The following NRG1 variants were observed in gnomAD, a reference collection of about 807,000 sequenced individuals.
NRG1 encodes pro-neuregulin-1, membrane-bound isoform.
In NRG1, 18 loss-of-function variants were observed where a neutral mutation model predicts 63.8. The observed-to-expected ratio is 0.28, with a 90% confidence interval of 0.19 to 0.42. The LOEUF is 0.42. Ranked by LOEUF, NRG1 falls within the 10% of genes least tolerant of loss-of-function variation. The pLI is 1.00. For missense variants in NRG1, 762 were observed against 814.7 expected (o/e 0.94, Z 0.79); for synonymous variants, 302 against 301.3 (o/e 1.00, Z -0.02).
chr8:32,439,442 A>G (rs1369285816), intron 1 of NRG1, among the ~76,000 whole-genome samples: 1 of 152,136 alleles, frequency 6.6e-6, no homozygotes, highest in Non-Finnish European at 1.5e-5. Flanking sequence ...TTTGATGAAA[A>G]AGAAAGATAA....
chr8:31,649,241 A>G (rs1204022513), intron 1 of NRG1, among the ~76,000 whole-genome samples: 1 of 152,208 alleles, frequency 6.6e-6, no homozygotes, highest in African/African-American at 2.4e-5. Context: ...GGAGTGAGCC[A>G]TGGTGCCCGG....
chr8:31,876,679 G>A (rs1041564532), intron 1 of NRG1, among the ~76,000 whole-genome samples: 1 of 152,058 alleles, frequency 6.6e-6, no homozygotes, highest in Non-Finnish European at 1.5e-5. Context: ...TTGGGAGGCT[G>A]AATTAATGAT....
intron 1 of NRG1, among the ~76,000 whole-genome samples, chr8:31,986,840 A>C (rs1199000290): frequency 6.6e-6 from 1 of 152,080 alleles, no homozygotes; most frequent in Non-Finnish European, 1.5e-5. Context: ...TGATCATTTC[A>C]ACCTGAGGTA....
At chr8:32,169,399 C>A (rs148507070) in intron 1 of NRG1, among the ~76,000 whole-genome samples, 1 of 152,124 alleles carries the variant, frequency 6.6e-6, no homozygotes, top group African/African-American at 2.4e-5. Flanking sequence ...GTAGGATTTG[C>A]GATTTGTCGG....
intron 1 of NRG1, among the ~76,000 whole-genome samples, chr8:32,177,540 C>T (rs2132071925): frequency 6.6e-6 from 1 of 152,064 alleles, no homozygotes; most frequent in South Asian, 2.1e-4. Context: ...CTCTGCCTCC[C>T]TTTTCCCCCC....
intron 1 of NRG1, among the ~76,000 whole-genome samples, chr8:31,657,951 C>T (rs1323957275): frequency 6.6e-6 from 1 of 152,122 alleles, no homozygotes; most frequent in Admixed American, 6.6e-5. Context: ...GTCCTTTTGC[C>T]CTCTCTGCCA....
intron 1 of NRG1, among the ~76,000 whole-genome samples, chr8:32,369,251 T>G (rs1413853726): frequency 6.6e-6 from 1 of 152,224 alleles, no homozygotes; most frequent in Non-Finnish European, 1.5e-5. Flanking sequence ...TTCCTATTAC[T>G]GGAGAGCCGC....
At chr8:32,418,182 T>C (rs912294976) in intron 1 of NRG1, among the ~76,000 whole-genome samples, 2 of 152,138 alleles carry the variant, frequency 1.3e-5, no homozygotes, top group East Asian at 3.9e-4. Context: ...GAGAAGTTTG[T>C]TCATCTGTAA....
chr8:32,208,879 C>T (rs931388399), intron 1 of NRG1, among the ~76,000 whole-genome samples: 38 of 152,060 alleles, frequency 2.5e-4, no homozygotes, highest in Non-Finnish European at 5.4e-4. Flanking sequence ...ATATGAAAGA[C>T]TGTTTTTGAT....
At chr8:32,743,992 GCAGA>G (rs1408926771) in intron 7 of NRG1, among the ~76,000 whole-genome samples, 13 of 152,132 alleles carry the variant, frequency 8.5e-5, no homozygotes, top group African/African-American at 3.1e-4. Flanking sequence ...ATTTACAAAA[GCAGA>G]CAGTGGGCTG....
At chr8:32,227,961 A>T (rs573382080) in intron 1 of NRG1, among the ~76,000 whole-genome samples, 1 of 152,204 alleles carries the variant, frequency 6.6e-6, no homozygotes, top group Admixed American at 6.5e-5. Flanking sequence ...AGTTGTTAGC[A>T]ATATTTGGTT....
chr8:32,529,489 G>A (rs1831223634), intron 1 of NRG1, among the ~76,000 whole-genome samples: 1 of 151,980 alleles, frequency 6.6e-6, no homozygotes, highest in Non-Finnish European at 1.5e-5. Flanking sequence ...TTATAAACTT[G>A]TATTTTTTAA....
At chr8:31,912,297 A>G (rs1164566783) in intron 1 of NRG1, among the ~76,000 whole-genome samples, 1 of 152,158 alleles carries the variant, frequency 6.6e-6, no homozygotes, top group African/African-American at 2.4e-5. Flanking sequence ...TTTTTGGTAC[A>G]GATCTATTTA....
At chr8:32,020,656 T>C (rs1816282001) in intron 1 of NRG1, among the ~76,000 whole-genome samples, 1 of 152,210 alleles carries the variant, frequency 6.6e-6, no homozygotes, top group African/African-American at 2.4e-5. Flanking sequence ...TCAAGCTTAA[T>C]TGAATTTCTT....
At chr8:31,882,775 C>T (rs898595285) in intron 1 of NRG1, among the ~76,000 whole-genome samples, 3 of 152,028 alleles carry the variant, frequency 2.0e-5, no homozygotes, top group Admixed American at 2.0e-4. Flanking sequence ...ATGGAAATAG[C>T]AAGAAAATTA....
intron 1 of NRG1, among the ~76,000 whole-genome samples, chr8:32,276,550 G>A (rs1307406840): frequency 1.3e-5 from 2 of 152,062 alleles, no homozygotes; most frequent in Non-Finnish European, 2.9e-5. Context: ...CTGTCCCCCA[G>A]GCTGGAGTGC....
chr8:32,263,146 A>C (rs981443278), intron 1 of NRG1, among the ~76,000 whole-genome samples: 1 of 152,188 alleles, frequency 6.6e-6, no homozygotes, highest in Non-Finnish European at 1.5e-5. Flanking sequence ...GTATTGAATG[A>C]ATGACAGACA....
Position 32,181,427 on chromosome 8 carries a change from C to A in NRG1, c.38-414401C>A, listed in dbSNP as rs1404744474. 5.3e-5 allele frequency among the ~76,000 whole-genome samples: 8 copies of A among 152,230 alleles called. No homozygotes were observed. The East Asian group carries it at 1.2e-3, about 22-fold the overall frequency. On this transcript the variant is annotated intron_variant, in intron 1 of 10. Transcript: ENST00000519301. Reference sequence around the variant, plus strand: ...TTTGTAAATATCTCTATACTTTATTCTCTTTTATTTCCTTTGTATCCAGGA... The same window carrying A: ...TTTGTAAATATCTCTATACTTTATTATCTTTTATTTCCTTTGTATCCAGGA...
In NRG1 at chr8:32,708,920, C is replaced by T. The variant is rs766125676; in HGVS notation, c.503-19029C>T. On this transcript the variant is annotated intron_variant, in intron 5 of 11. Transcript: ENST00000356819. ...GTGGATTTTTATGATGGAAAGCAAC[C>T]GCATTAACTGCAATATGGCCCAGGG... 4.6e-5 allele frequency among the ~76,000 whole-genome samples: 7 copies of T among 152,096 alleles called. 1 individual carries two copies. The highest frequency in any genetic ancestry group is 1.0e-4 in the Non-Finnish European group (7 of 68,024).
Sources: allele counts gnomAD v4.1 joint callset (sites outside exome capture counted in the v4.1 genomes callset), GRCh38; gene constraint gnomAD v4.1.1; transcripts MANE v1.5; gene names NCBI Gene and HGNC (gene_info 2026-07-23, HGNC 2026-07-21).